Variants in WNT7B observed in about 807,000 individuals in gnomAD.
WNT7B encodes the protein protein Wnt-7b.
A neutral mutation model predicts 38.2 loss-of-function variants in WNT7B; 19 were observed. The observed-to-expected ratio is 0.50, with a 90% confidence interval of 0.35 to 0.73. WNT7B has a LOEUF of 0.73. Among genes scored for constraint, WNT7B ranks in the 30% least tolerant of loss-of-function variants. The probability of loss-of-function intolerance (pLI) is 0.01; values close to 1 mark genes in which losing one functional copy is unlikely to be tolerated. For synonymous variants in WNT7B, 243 were observed against 209.3 expected, an observed-to-expected ratio of 1.16 and a Z score of -1.39; for missense variants, 423 against 507.9, an observed-to-expected ratio of 0.83 and a Z score of 1.61.
intron 2 of WNT7B, among the ~76,000 whole-genome samples, chr22:45,941,369 G>A (rs1488720286): frequency 6.6e-6 from 1 of 152,120 alleles, no homozygotes; most frequent in Non-Finnish European, 1.5e-5. Context: ...AAATTAGTCT[G>A]GTGTGGTGGC....
intron 1 of WNT7B, among the ~76,000 whole-genome samples, chr22:45,956,135 C>T (rs977247928): frequency 6.6e-6 from 1 of 152,168 alleles, no homozygotes; most frequent in Non-Finnish European, 1.5e-5. Context: ...TAGCCAGGTA[C>T]CAGGCCAGCC....
rs199813322 is a variant in WNT7B at position 45,949,981 on chromosome 22, G to A, written c.237C>T (p.Phe79=). The change falls in exon 2 of 4, where the codon TTC becomes TTT. Residue 79 remains phenylalanine, a synonymous_variant. Coordinates refer to ENST00000339464, the MANE Select transcript of WNT7B (RefSeq NM_058238.3). ...CGAGGGCAGAGCAGTTCCAGCGTCC[G>A]AAGCGGAACTGGTACTGGCACTCGT... ...GINECQYQFR[F]GRWNCSALGE... is the part of the protein sequence containing the mutation. 1.2e-4 allele frequency: 187 copies of A among 1,613,740 alleles called. No individual in the cohort carries two copies. The highest frequency in any genetic ancestry group is 1.5e-4 in the Non-Finnish European group (177 of 1,180,002).
chr22:45,927,542 AGAG>A lies in WNT7B; in HGVS notation c.570+3553_570+3555del, dbSNP rs760013970. 2.4e-5 allele frequency: 35 copies of A among 1,481,074 alleles called. 1 individual carries two copies. The highest frequency in any genetic ancestry group is 2.2e-4 in the South Asian group (18 of 82,678). 91.7% of individuals were successfully genotyped at this position (1,481,074 alleles called of 1,614,324 possible). A position where few individuals can be genotyped will look rare whatever the true frequency, so the allele number is the denominator to read the frequency against. On this transcript the variant is annotated intron_variant, in intron 3 of 3. Coordinates refer to ENST00000339464, the MANE Select transcript of WNT7B (RefSeq NM_058238.3). ...ACAGATGTGGTCAAGGAAACAACGGAGAGGAGGTCACCCTGGGTTGTCCAAGTA... is the reference window on the plus strand; with the variant it reads ...ACAGATGTGGTCAAGGAAACAACGGAGAGGTCACCCTGGGTTGTCCAAGTA...
At chr22:45,930,970 G>C (rs1931329477) in intron 3 of WNT7B, 128 bp downstream of exon 3, 2 of 1,315,798 alleles carry the variant, frequency 1.5e-6, no homozygotes, top group African/African-American at 3.0e-5. Flanking sequence ...GACCCAGACG[G>C]CCCCACCCCC....
intron 2 of WNT7B, among the ~76,000 whole-genome samples, chr22:45,944,241 T>A (rs1201623835): frequency 5.3e-5 from 8 of 152,196 alleles, no homozygotes; most frequent in Non-Finnish European, 8.8e-5. Flanking sequence ...CCAACTTGCA[T>A]GAGTTCCAGG....
chr22:45,973,893 C>CT lies in WNT7B; in HGVS notation c.71+2790_71+2791insA, dbSNP rs1932501759. Among the ~76,000 whole-genome samples, 3 of 96,908 alleles carry CT rather than the reference C, an allele frequency of 3.1e-5. No homozygotes were observed. The South Asian group carries it at 1.0e-3, about 33-fold the overall frequency. The allele number at this position is 96,908 out of a possible 152,430, so 63.6% of individuals were successfully genotyped here. A position where few individuals can be genotyped will look rare whatever the true frequency, so the allele number is the denominator to read the frequency against. Reference sequence around the variant, plus strand: ...GTGATGGCTGCACGTGCCCAGGTGGCCCCCCGTGTAATTAAACACAGGCAG... The same window carrying CT: ...GTGATGGCTGCACGTGCCCAGGTGGCTCCCCCGTGTAATTAAACACAGGCAG... On this transcript the variant is annotated intron_variant, in intron 1 of 3. Transcript: ENST00000339464.
chr22:45,960,471 C>A (rs1932171151), intron 1 of WNT7B, among the ~76,000 whole-genome samples: 1 of 34,506 alleles, frequency 2.9e-5, no homozygotes, highest in South Asian at 1.8e-3. Flanking sequence ...GCCACCCCAC[C>A]CCCCCAGCTG....
intron 2 of WNT7B, among the ~76,000 whole-genome samples, chr22:45,939,670 C>CACACACACACACAAAA (rs1417517350): frequency 3.3e-5 from 5 of 151,486 alleles, no homozygotes; most frequent in Non-Finnish European, 7.4e-5. Context: ...CACACACACA[C>CACACACACACACAAAA]AAAAATAGCC....
intron 2 of WNT7B, among the ~76,000 whole-genome samples, chr22:45,945,729 C>A (rs1329779677): frequency 6.6e-6 from 1 of 152,356 alleles, no homozygotes; most frequent in African/African-American, 2.4e-5. Context: ...CGACCCCTGG[C>A]CTCTCAGATA....
In WNT7B at chr22:45,923,392, G is replaced by A. The variant is rs1051322287; in HGVS notation, c.571-57C>T. The A allele has an allele frequency of 3.2e-6, 5 of 1,542,574 alleles. No individual in the cohort carries two copies. The African/African-American group carries it at 5.4e-5, about 17-fold the overall frequency. ...CATGGCCCAAGCTGGGCCCCTCTAG[G>A]TTCCCCTACCCCTGCCTCTAGCCCA... On this transcript the variant is annotated intron_variant, in intron 3 of 3. Coordinates refer to ENST00000339464, the MANE Select transcript of WNT7B (RefSeq NM_058238.3).
chr22:45,950,213 C>G (rs1931900040), intron 1 of WNT7B, 67 bp from the exon 2 acceptor site: 2 of 1,352,472 alleles, frequency 1.5e-6, no homozygotes, highest in South Asian at 2.5e-5. Context: ...CCCCCAACAC[C>G]TTTCCCCCAC....
chr22:45,950,258 G>A lies in WNT7B; in HGVS notation c.72-112C>T, dbSNP rs111532121. 1.9e-3 allele frequency: 1,707 copies of A among 878,792 alleles called. 17 individuals are homozygous for A. The African/African-American group carries it at 0.02, about 10-fold the overall frequency. 54.4% of individuals were successfully genotyped at this position (878,792 alleles called of 1,614,324 possible). A position where few individuals can be genotyped will look rare whatever the true frequency, so the allele number is the denominator to read the frequency against. ...CAGTCACAGGCCCTGCACTAGCTCC[G>A]CCCACCAGGGCACAAGCAGATCCCT... On this transcript the variant is annotated intron_variant, in intron 1 of 3. Coordinates refer to ENST00000339464, the MANE Select transcript of WNT7B (RefSeq NM_058238.3).
In WNT7B at chr22:45,975,809, C is replaced by G; in HGVS notation, c.71+875G>C. The G allele has an allele frequency of 3.2e-6, 1 of 312,292 alleles. No homozygotes were observed. The highest frequency in any genetic ancestry group is 5.2e-5 in the East Asian group (1 of 19,308). The allele number at this position is 312,292 out of a possible 1,614,324, so 19.3% of individuals were successfully genotyped here. On this transcript the variant is annotated intron_variant, in intron 1 of 3. Transcript: ENST00000339464. This position sits in a 1 kb window ranked among gnomAD's most constrained non-coding sequence, Gnocchi z 6.6. ...CGCGGGGCCAGCAGCGGGCGGTGGG[C>G]GCCCCAGGCGAGGTGCACCGCACCC... is the stretch of plus-strand genomic sequence containing the variant.
At chr22:45,932,115 T>G (rs1931382573) in intron 2 of WNT7B, among the ~76,000 whole-genome samples, 2 of 152,248 alleles carry the variant, frequency 1.3e-5, no homozygotes, top group African/African-American at 4.8e-5. Flanking sequence ...CACCAGCTGG[T>G]TCCCTCCAAG....
chr22:45,970,122 C>T (rs1338998104), intron 1 of WNT7B, among the ~76,000 whole-genome samples: 1 of 152,222 alleles, frequency 6.6e-6, no homozygotes, highest in Non-Finnish European at 1.5e-5. Flanking sequence ...GAGACCCACC[C>T]CCCTCACTCC....
chr22:45,924,476 G>A (rs1442191207), intron 3 of WNT7B, among the ~76,000 whole-genome samples: 1 of 152,280 alleles, frequency 6.6e-6, no homozygotes, highest in South Asian at 2.1e-4. Flanking sequence ...GCCTAATCCT[G>A]CTGCAGTGAG....
chr22:45,929,795 C>T (rs186149025), intron 3 of WNT7B, among the ~76,000 whole-genome samples: 92 of 148,878 alleles, frequency 6.2e-4, no homozygotes, highest in Non-Finnish European at 1.2e-3. Flanking sequence ...CACCGATCCA[C>T]TCAACCATCT....
Position 45,930,999 on chromosome 22 carries a change from CAACTGCTTCTGCTAGAAGAGGAGCCTG to C in WNT7B, c.570+72_570+98del, listed in dbSNP as rs1243861066. On this transcript the variant is annotated intron_variant, in intron 3 of 3. Coordinates refer to ENST00000339464, the MANE Select transcript of WNT7B (RefSeq NM_058238.3). Reference sequence around the variant, plus strand: ...CACCCCCTGCACACCTACGGAGACTCAACTGCTTCTGCTAGAAGAGGAGCCTGAGGCTCCGAGAGGTCAGCGGGTGAT... The same window carrying C: ...CACCCCCTGCACACCTACGGAGACTCAGGCTCCGAGAGGTCAGCGGGTGAT... 24 of 1,438,288 alleles carry C rather than the reference CAACTGCTTCTGCTAGAAGAGGAGCCTG, an allele frequency of 1.7e-5. No homozygotes were observed. The Admixed American group carries it at 6.4e-4, about 38-fold the overall frequency. 89.1% of individuals were successfully genotyped at this position (1,438,288 alleles called of 1,614,324 possible).
rs564360859 is a variant in WNT7B, at chr22:45,965,904, A to G, written c.71+10780T>C. 6.6e-6 allele frequency among the ~76,000 whole-genome samples: 1 copy of G among 152,174 alleles called. No individual in the cohort carries two copies. On this transcript the variant is annotated intron_variant, in intron 1 of 3. Coordinates refer to ENST00000339464, the MANE Select transcript of WNT7B (RefSeq NM_058238.3). This position sits in a 1 kb window ranked among gnomAD's most constrained non-coding sequence, Gnocchi z 6.5. ...ACGGGACACGCAACAGAGCCCGCCCAAGGCTGGAAACCCGCCTTAGTAAAA... is the reference window on the plus strand; with the variant it reads ...ACGGGACACGCAACAGAGCCCGCCCGAGGCTGGAAACCCGCCTTAGTAAAA...
Sources: allele counts gnomAD v4.1 joint callset (sites outside exome capture counted in the v4.1 genomes callset), GRCh38; gene constraint gnomAD v4.1.1; non-coding constraint Gnocchi (gnomAD v3.1); transcripts MANE v1.5; gene names NCBI Gene and HGNC (gene_info 2026-07-23, HGNC 2026-07-21).